The following USP43 variants were observed in gnomAD, a reference collection of about 807,000 sequenced individuals.
The protein encoded by USP43 is ubiquitin specific peptidase 43, also known as ubiquitin carboxyl-terminal hydrolase 43.
USP43 carries 33 observed loss-of-function variants against 90.7 expected under a neutral mutation model. The ratio of observed to expected loss-of-function variants is 0.36; its 90% CI spans 0.28 to 0.49. USP43 has a LOEUF of 0.49. Among genes scored for constraint, USP43 ranks in the 20% least tolerant of loss-of-function variants. USP43 has a pLI of 0.98. For synonymous variants in USP43, 598 were observed against 615.8 expected, an observed-to-expected ratio of 0.97 and a Z score of 0.43; for missense variants, 1,274 against 1,476.4, an observed-to-expected ratio of 0.86 and a Z score of 2.25.
At chr17:9,660,108 T>C (rs1282924945) in intron 2 of USP43, among the ~76,000 whole-genome samples, 1 of 152,164 alleles carries the variant, frequency 6.6e-6, no homozygotes, top group Non-Finnish European at 1.5e-5. Flanking sequence ...CCCCAGACCT[T>C]TCTTTAAGAT....
intron 8 of USP43, among the ~76,000 whole-genome samples, chr17:9,690,876 CTG>C (rs1172265434): frequency 4.6e-5 from 7 of 152,256 alleles, no homozygotes; most frequent in African/African-American, 1.7e-4. Flanking sequence ...CAGAGCAAGA[CTG>C]TCTCAAACAA....
At chr17:9,690,270 T>C (rs1914860416) in intron 8 of USP43, among the ~76,000 whole-genome samples, 1 of 152,208 alleles carries the variant, frequency 6.6e-6, no homozygotes, top group Non-Finnish European at 1.5e-5. Context: ...GTTTCCTCCA[T>C]GGTTTTTAAG....
At chr17:9,698,486 C>T (rs925875966) in intron 9 of USP43, among the ~76,000 whole-genome samples, 6 of 152,216 alleles carry the variant, frequency 3.9e-5, no homozygotes, top group Admixed American at 1.3e-4. Context: ...TTGTATGCTC[C>T]TCCCATTAGC....
chr17:9,656,364 G>T (rs1037916908), intron 1 of USP43, 39 bp from the exon 2 acceptor site: 10 of 1,597,644 alleles, frequency 6.3e-6, no homozygotes, highest in Non-Finnish European at 8.5e-6. Context: ...GTTGTATAAG[G>T]GGCCAAATTC....
At chr17:9,693,297 G>A in intron 9 of USP43, 67 bp downstream of exon 9, 1 of 1,299,506 alleles carries the variant, frequency 7.7e-7, no homozygotes, top group Non-Finnish European at 1.1e-6. Flanking sequence ...GTCCTTTGAG[G>A]GTATATGTCA....
Position 9,691,216 on chromosome 17 carries a change from C to A in USP43, c.1354-1911C>A, listed in dbSNP as rs185433943. On this transcript the variant is annotated intron_variant, in intron 8 of 14. Coordinates refer to ENST00000285199, the MANE Select transcript of USP43 (RefSeq NM_153210.5). Reference sequence around the variant, plus strand: ...TGCAACCTCCACCTCCCAGATTCAACTGATTCTCCTGCCTCAGCCTCCTGA... The same window carrying A: ...TGCAACCTCCACCTCCCAGATTCAAATGATTCTCCTGCCTCAGCCTCCTGA... Among the ~76,000 whole-genome samples, 912 of 151,334 alleles carry A rather than the reference C, an allele frequency of 6.0e-3. 10 individuals are homozygous for A. Among genetic ancestry groups the A allele is most frequent in the African/African-American group, 0.021 (863 of 41,286 alleles).
intron 13 of USP43, 73 bp downstream of exon 13, chr17:9,710,187 A>G (rs1916105051): frequency 1.7e-5 from 23 of 1,346,276 alleles, no homozygotes; most frequent in Non-Finnish European, 2.2e-5. Context: ...GGCTCAGTTG[A>G]ACATCGAGGA....
At chr17:9,672,616 G>A (rs1366867390) in intron 3 of USP43, among the ~76,000 whole-genome samples, 1 of 152,196 alleles carries the variant, frequency 6.6e-6, no homozygotes, top group Non-Finnish European at 1.5e-5. Context: ...AGGTGGAGAA[G>A]GATTGGAGGA....
rs59421754 is a variant in USP43 at position 9,710,921 on chromosome 17, G to A, written c.2170+807G>A. 1.9e-3 allele frequency among the ~76,000 whole-genome samples: 259 copies of A among 133,414 alleles called. 4 individuals carry two copies. The Middle Eastern group carries it at 0.026, about 14-fold the overall frequency. The allele number at this position is 133,414 out of a possible 152,430, so 87.5% of individuals were successfully genotyped here. On this transcript the variant is annotated intron_variant, in intron 13 of 14. Transcript: ENST00000285199. ...AACTGTCCTTATCTTTGGGACAAGA[G>A]AGCATTAAAAAAAAAAATTAAGCAG...
chr17:9,672,377 G>T (rs942876719), intron 3 of USP43, among the ~76,000 whole-genome samples: 14 of 152,168 alleles, frequency 9.2e-5, no homozygotes, highest in Admixed American at 9.2e-4. Context: ...GCTGATAGGA[G>T]TTGGTGGCTC....
upstream of USP43, chr17:9,645,442 G>T: frequency 2.6e-6 from 1 of 387,154 alleles, no homozygotes; most frequent in Admixed American, 5.2e-5. The surrounding 1 kb of genome is among the most constrained non-coding windows in gnomAD (Gnocchi z 6.8). Context: ...CCCTGGAGGG[G>T]GCTGGTCGTG....
intron 1 of USP43, 71 bp downstream of exon 1, chr17:9,646,207 G>C: frequency 1.5e-6 from 2 of 1,358,514 alleles, no homozygotes; most frequent in Non-Finnish European, 1.9e-6. Context: ...TGCACGATCA[G>C]GAAAGGGTTT....
chr17:9,708,332 G>A (rs900659788), intron 12 of USP43, among the ~76,000 whole-genome samples: 1 of 152,172 alleles, frequency 6.6e-6, no homozygotes, highest in South Asian at 2.1e-4. Flanking sequence ...CAAACTAGTT[G>A]CTCTGCTGTA....
intron 12 of USP43, among the ~76,000 whole-genome samples, chr17:9,708,918 C>T (rs940882135): frequency 5.9e-5 from 9 of 152,124 alleles, no homozygotes; most frequent in Non-Finnish European, 1.3e-4. Context: ...TGAACCACCA[C>T]GCCCGGCCTG....
At position 9,701,125 on chromosome 17, in the gene USP43, C is replaced by G; in HGVS notation, c.1542C>G (p.Phe514Leu). 1 of 1,471,330 alleles carries G rather than the reference C, an allele frequency of 6.8e-7. No individual in the cohort carries two copies. The highest frequency in any genetic ancestry group is 1.4e-5 in the South Asian group (1 of 69,642). 91.1% of individuals were successfully genotyped at this position (1,471,330 alleles called of 1,614,324 possible). The change falls in exon 11 of 15, where the codon TTC becomes TTG. Residue 514 changes from phenylalanine (F) to leucine (L), a missense_variant. By Grantham distance (22) the Phe-to-Leu change is conservative (BLOSUM62 0). Coordinates refer to ENST00000285199, the MANE Select transcript of USP43 (RefSeq NM_153210.5). This position sits in a 1 kb window ranked among gnomAD's most constrained non-coding sequence, Gnocchi z 7.2. ...GGGTGTCCTCTCCGTGCAGCCTGTT[C>G]GGGAGCCTCCAGGAGGAGCGAGCGC... ...EWDSSVKERL[F>L]GSLQEERAQD...
In USP43 at chr17:9,676,765, G is replaced by A; in HGVS notation, c.853G>A (p.Val285Ile). The A allele has an allele frequency of 1.2e-6, 2 of 1,613,792 alleles. No homozygotes were observed. Among genetic ancestry groups the A allele is most frequent in the South Asian group, 1.1e-5 (1 of 91,040 alleles). The part of the protein sequence containing the change: ...RQTRFLSVTL[V>I]FPSKSQRFLR... ...TTCCAGGTTCTTGAGTGTCACCTTGGTCTTCCCCTCTAAGAGCCAGCGGTT... is the reference window on the plus strand; with the variant it reads ...TTCCAGGTTCTTGAGTGTCACCTTGATCTTCCCCTCTAAGAGCCAGCGGTT... The change falls in exon 5 of 15, where the codon GTC becomes ATC. Residue 285 changes from valine to isoleucine, a missense_variant. By Grantham distance (29) the Val-to-Ile change is conservative. Coordinates refer to ENST00000285199, the MANE Select transcript of USP43 (RefSeq NM_153210.5).
At chr17:9,652,683 G>A (rs1430935446) in intron 1 of USP43, among the ~76,000 whole-genome samples, 1 of 151,768 alleles carries the variant, frequency 6.6e-6, no homozygotes, top group Non-Finnish European at 1.5e-5. Context: ...CTTTCTAGGG[G>A]AATGTCTTCT....
intron 8 of USP43, among the ~76,000 whole-genome samples, chr17:9,687,969 A>C (rs931866825): frequency 6.6e-6 from 1 of 152,152 alleles, no homozygotes; most frequent in Non-Finnish European, 1.5e-5. Context: ...GCAATGGATG[A>C]AACTATGCTT....
chr17:9,695,452 G>C (rs1209162946), intron 9 of USP43, among the ~76,000 whole-genome samples: 1 of 151,964 alleles, frequency 6.6e-6, no homozygotes, highest in Non-Finnish European at 1.5e-5. Context: ...TCCTGCCTCA[G>C]CCTTCCAAGT....
Sources: gnomAD v4.1 joint callset for allele counts (sites outside exome capture counted in the v4.1 genomes callset) on GRCh38, gnomAD v4.1.1 for gene constraint, Gnocchi (gnomAD v3.1) non-coding constraint, MANE v1.5 for transcripts, NCBI Gene and HGNC (gene_info 2026-07-23, HGNC 2026-07-21) for gene names.